Variants in KAZN observed in about 807,000 individuals in gnomAD.
KAZN encodes kazrin, periplakin interacting protein.
A neutral mutation model predicts 87.4 loss-of-function variants in KAZN; 40 were observed. That is an observed-to-expected ratio of 0.46 (90% confidence interval 0.36 to 0.60). KAZN has a LOEUF of 0.60. KAZN is among the 20% of genes least tolerant of loss of function. The pLI is 0.00. For synonymous variants in KAZN, 466 were observed against 458.3 expected (o/e 1.02, Z -0.22); for missense variants, 898 against 1,073.9 (o/e 0.84, Z 2.29).
At chr1:15,058,071 A>G (rs1477408194) in intron 5 of KAZN, among the ~76,000 whole-genome samples, 2 of 152,058 alleles carry the variant, frequency 1.3e-5, no homozygotes, top group Non-Finnish European at 2.9e-5. Context: ...TGTGTCCTCT[A>G]TGCTCCTGTA....
intron 1 of KAZN, among the ~76,000 whole-genome samples, chr1:14,799,684 G>A (rs1027490160): frequency 2.6e-5 from 4 of 152,204 alleles, no homozygotes; most frequent in South Asian, 2.1e-4. Flanking sequence ...AAAATTCCTC[G>A]TGCGATGGTG....
intron 1 of KAZN, among the ~76,000 whole-genome samples, chr1:13,977,501 G>A (rs1638422719): frequency 1.3e-5 from 2 of 152,114 alleles, no homozygotes; most frequent in South Asian, 4.1e-4. Context: ...AAAGAGTGGG[G>A]GAAATAAAGC....
chr1:14,988,993 A>G (rs1451164277), intron 2 of KAZN, among the ~76,000 whole-genome samples: 1 of 152,146 alleles, frequency 6.6e-6, no homozygotes, highest in Non-Finnish European at 1.5e-5. Context: ...CACACTTTGC[A>G]CCACCACCTT....
At chr1:13,932,460 C>G (rs913952705) in intron 1 of KAZN, among the ~76,000 whole-genome samples, 2 of 151,942 alleles carry the variant, frequency 1.3e-5, no homozygotes, top group Non-Finnish European at 1.5e-5. Context: ...CGGGGTTTCA[C>G]CGTTTTAGCC....
chr1:14,984,779 A>G (rs951458038), intron 2 of KAZN, among the ~76,000 whole-genome samples: 2 of 152,212 alleles, frequency 1.3e-5, no homozygotes, highest in Admixed American at 6.5e-5. Context: ...CAAAAGACCC[A>G]GGCACTGGCT....
intron 1 of KAZN, among the ~76,000 whole-genome samples, chr1:14,117,156 A>G (rs1557488602): frequency 6.6e-6 from 1 of 152,138 alleles, no homozygotes; most frequent in Non-Finnish European, 1.5e-5. Flanking sequence ...TTGGGAAGAC[A>G]TGATTGGTTT....
intron 1 of KAZN, among the ~76,000 whole-genome samples, chr1:14,618,315 T>A (rs7553790): frequency 6.6e-6 from 1 of 152,166 alleles, no homozygotes; most frequent in Non-Finnish European, 1.5e-5. Flanking sequence ...GACTTTGGAC[T>A]AATCACTTTG....
At chr1:14,487,933 T>C (rs1442204315) in intron 2 of KAZN, among the ~76,000 whole-genome samples, 1 of 152,144 alleles carries the variant, frequency 6.6e-6, no homozygotes, top group African/African-American at 2.4e-5. Flanking sequence ...TGGGATGTGC[T>C]GAGGGTGAGG....
chr1:14,496,955 A>T (rs955722258), intron 2 of KAZN, among the ~76,000 whole-genome samples: 1 of 152,202 alleles, frequency 6.6e-6, no homozygotes, highest in Admixed American at 6.5e-5. Context: ...CATTGATCTT[A>T]GAACTTGACA....
At position 14,548,652 on chromosome 1, in the gene KAZN, C is replaced by A. The variant is rs573893592; in HGVS notation, c.250-50331C>A. Among the ~76,000 whole-genome samples the A allele has an allele frequency of 4.3e-3, 649 of 152,304 alleles. 6 individuals are homozygous for A. Among genetic ancestry groups the A allele is most frequent in the Admixed American group, 7.5e-3 (115 of 15,304 alleles). On this transcript the variant is annotated intron_variant, in intron 2 of 16. Transcript: ENST00000636203. The stretch of plus-strand genomic sequence containing the variant: ...CTCAATATTCTATTCCAGAACCCAT[C>A]CTTTTGAGCACGTTGGCTGCAGTTC...
intron 1 of KAZN, among the ~76,000 whole-genome samples, chr1:14,646,556 C>T (rs576932961): frequency 1.3e-5 from 2 of 152,298 alleles, no homozygotes; most frequent in East Asian, 1.9e-4. Flanking sequence ...TTCTCAAACC[C>T]TGGCACTGCT....
rs1218602968 is a variant in KAZN at position 14,514,386 on chromosome 1, A to AT, written c.250-84595dup. Among the ~76,000 whole-genome samples, 5 of 15,984 alleles carry AT rather than the reference A, an allele frequency of 3.1e-4. 1 individual carries two copies. The highest frequency in any genetic ancestry group is 1.0e-3 in the African/African-American group (3 of 3,002). The allele number at this position is 15,984 out of a possible 152,430, so 10.5% of individuals were successfully genotyped here. On this transcript the variant is annotated intron_variant, in intron 2 of 16. Coordinates refer to the KAZN transcript ENST00000636203. ...ATATTTATATATATAATATATATATATTATATATATTTATATATATAATAT... is the reference window on the plus strand; with the variant it reads ...ATATTTATATATATAATATATATATATTTATATATATTTATATATATAATAT...
At chr1:14,513,175 T>A (rs1395035257) in intron 2 of KAZN, among the ~76,000 whole-genome samples, 1 of 152,216 alleles carries the variant, frequency 6.6e-6, no homozygotes, top group African/African-American at 2.4e-5. Flanking sequence ...CAATTTCTTC[T>A]GCCTTTAGGA....
At chr1:14,578,333 A>G (rs113465590) in intron 2 of KAZN, among the ~76,000 whole-genome samples, 2 of 152,106 alleles carry the variant, frequency 1.3e-5, no homozygotes, top group Admixed American at 6.5e-5. Flanking sequence ...TCTTGCTGGC[A>G]TGTTAAAGGA....
intron 2 of KAZN, among the ~76,000 whole-genome samples, chr1:14,270,507 G>T (rs1452733731): frequency 6.6e-6 from 1 of 152,130 alleles, no homozygotes; most frequent in Non-Finnish European, 1.5e-5. Context: ...CTACTGCATT[G>T]GATTACTGTG....
At chr1:14,177,429 C>G (rs1430657864) in intron 1 of KAZN, among the ~76,000 whole-genome samples, 2 of 152,130 alleles carry the variant, frequency 1.3e-5, no homozygotes, top group Admixed American at 1.3e-4. Context: ...ACTTCTTTAA[C>G]CTTTCTTTTA....
chr1:14,967,093 C>T (rs1291983944), intron 2 of KAZN, among the ~76,000 whole-genome samples: 4 of 152,194 alleles, frequency 2.6e-5, no homozygotes, highest in African/African-American at 4.8e-5. Context: ...GCGATGGTCA[C>T]GGTGAACTCG....
intron 1 of KAZN, among the ~76,000 whole-genome samples, chr1:13,995,940 A>T (rs1164495581): frequency 6.6e-6 from 1 of 152,252 alleles, no homozygotes; most frequent in East Asian, 1.9e-4. Flanking sequence ...AGCAGCGATC[A>T]GAGGCTCCCA....
At chr1:14,202,958 C>T (rs1020206431) in intron 2 of KAZN, among the ~76,000 whole-genome samples, 8 of 151,938 alleles carry the variant, frequency 5.3e-5, no homozygotes, top group South Asian at 2.1e-4. Context: ...CAGAGCTTGC[C>T]GTGAGCCGAG....
Sources: gnomAD v4.1 joint callset for allele counts (sites outside exome capture counted in the v4.1 genomes callset) on GRCh38, gnomAD v4.1.1 for gene constraint, MANE v1.5 for transcripts, NCBI Gene and HGNC (gene_info 2026-07-23, HGNC 2026-07-21) for gene names.